Variants in SPIDR observed in about 807,000 individuals in gnomAD.
SPIDR encodes the protein scaffold protein involved in DNA repair.
In SPIDR, 93 loss-of-function variants were observed where a neutral mutation model predicts 104.6. The ratio of observed to expected loss-of-function variants is 0.89; its 90% CI spans 0.75 to 1.06. The LOEUF (loss-of-function observed/expected upper bound fraction) is 1.06. SPIDR is among the 50% of genes least tolerant of loss of function. The probability of loss-of-function intolerance (pLI) is 0.00; values close to 1 mark genes in which losing one functional copy is unlikely to be tolerated. For synonymous variants in SPIDR, 431 were observed against 416.9 expected (o/e 1.03, Z -0.41); for missense variants, 1,154 against 1,111.2 (o/e 1.04, Z -0.55).
intron 10 of SPIDR, among the ~76,000 whole-genome samples, chr8:47,642,324 G>A (rs1185439669): frequency 2.0e-5 from 3 of 151,984 alleles, no homozygotes; most frequent in Non-Finnish European, 4.4e-5. Flanking sequence ...GCTGAGGCAG[G>A]TGAATGGTGT....
intron 5 of SPIDR, among the ~76,000 whole-genome samples, chr8:47,376,475 A>G (rs983815752): frequency 6.6e-6 from 1 of 152,214 alleles, no homozygotes; most frequent in Admixed American, 6.5e-5. Flanking sequence ...AAGTTTGAAC[A>G]GAGCTGTGAG....
chr8:47,297,466 T>C (rs950792975), intron 5 of SPIDR, among the ~76,000 whole-genome samples: 10 of 152,170 alleles, frequency 6.6e-5, no homozygotes, highest in African/African-American at 2.4e-4. Context: ...TATTTTTTTT[T>C]ATTATTATAC....
At position 47,330,199 on chromosome 8, in the gene SPIDR, C is replaced by CT. The variant is rs35664092; in HGVS notation, c.525+36180dup. Among the ~76,000 whole-genome samples the CT allele has an allele frequency of 2.0e-3, 280 of 141,322 alleles. 1 individual carries two copies. Among genetic ancestry groups the CT allele is most frequent in the Middle Eastern group, 7.3e-3 (2 of 274 alleles). The allele number at this position is 141,322 out of a possible 152,430, so 92.7% of individuals were successfully genotyped here. On this transcript the variant is annotated intron_variant, in intron 5 of 19. Coordinates refer to ENST00000297423, the MANE Select transcript of SPIDR (RefSeq NM_001080394.4). ...TGGTGGTGGTGCTTTTCTTAAGGTG[C>CT]TTTTTTTTTTTAAAGCATCTTTAGT...
chr8:47,347,979 A>G (rs976677475), intron 5 of SPIDR, among the ~76,000 whole-genome samples: 1 of 152,118 alleles, frequency 6.6e-6, no homozygotes, highest in East Asian at 1.9e-4. Context: ...TGTGAATTTG[A>G]TCCCGTCATT....
chr8:47,518,581 C>G (rs1406819291), intron 8 of SPIDR, among the ~76,000 whole-genome samples: 1 of 152,010 alleles, frequency 6.6e-6, no homozygotes, highest in Non-Finnish European at 1.5e-5. Context: ...TAGTGACAGC[C>G]ACTCGCTAGA....
At chr8:47,486,822 G>A (rs1271397649) in intron 8 of SPIDR, among the ~76,000 whole-genome samples, 1 of 152,130 alleles carries the variant, frequency 6.6e-6, no homozygotes, top group Non-Finnish European at 1.5e-5. Flanking sequence ...TCACCACCAG[G>A]CCTGCCCTAA....
Position 47,519,481 on chromosome 8 carries a change from T to A in SPIDR, c.1098-76330T>A, listed in dbSNP as rs532932081. Reference sequence around the variant, plus strand: ...TTTTAAGCCCCATAACAAAGTTTTTTAAAAGATGGCTTTGGTCAAGCGCAG... The same window carrying A: ...TTTTAAGCCCCATAACAAAGTTTTTAAAAAGATGGCTTTGGTCAAGCGCAG... On this transcript the variant is annotated intron_variant, in intron 8 of 19. Coordinates refer to ENST00000297423, the MANE Select transcript of SPIDR (RefSeq NM_001080394.4). 3.3e-5 allele frequency among the ~76,000 whole-genome samples: 5 copies of A among 152,270 alleles called. No individual in the cohort carries two copies. In the South Asian group the frequency reaches 1.0e-3, roughly 32 times the overall value.
chr8:47,539,132 A>G (rs1357899518), intron 8 of SPIDR, among the ~76,000 whole-genome samples: 2 of 152,052 alleles, frequency 1.3e-5, no homozygotes, highest in Admixed American at 1.3e-4. Flanking sequence ...AAGTGCTGGG[A>G]TTACAGGCAT....
chr8:47,349,760 G>A (rs933408937), intron 5 of SPIDR, among the ~76,000 whole-genome samples: 13 of 152,254 alleles, frequency 8.5e-5, no homozygotes, highest in Admixed American at 1.3e-4. Flanking sequence ...GTCCGTGGGC[G>A]TGGGACCCAC....
At chr8:47,301,255 A>T (rs1204895434) in intron 5 of SPIDR, among the ~76,000 whole-genome samples, 2 of 152,130 alleles carry the variant, frequency 1.3e-5, no homozygotes, top group South Asian at 2.1e-4. Flanking sequence ...TTTATCAGAG[A>T]CTAGGATTGA....
chr8:47,320,837 C>T (rs975840578), intron 5 of SPIDR, among the ~76,000 whole-genome samples: 11 of 152,030 alleles, frequency 7.2e-5, no homozygotes, highest in East Asian at 1.9e-4. Flanking sequence ...ACAGAACCAA[C>T]GAGTAAAACC....
chr8:47,623,503 C>G (rs745475599), intron 10 of SPIDR, among the ~76,000 whole-genome samples: 22 of 152,128 alleles, frequency 1.4e-4, no homozygotes, highest in Non-Finnish European at 2.9e-4. Context: ...ATCTCACGTG[C>G]AGAGACACAT....
In SPIDR at chr8:47,334,494, C is replaced by T. The variant is rs980218719; in HGVS notation, c.525+40464C>T. Among the ~76,000 whole-genome samples the T allele has an allele frequency of 5.5e-4, 83 of 152,252 alleles. 1 individual carries two copies. Among genetic ancestry groups the T allele is most frequent in the African/African-American group, 1.9e-3 (77 of 41,554 alleles). The stretch of plus-strand genomic sequence containing the variant: ...TTGTGTCTTCTTGGACAATTGAATC[C>T]TTTATCATTGGGTAATGCCCCTCTT... On this transcript the variant is annotated intron_variant, in intron 5 of 19. Transcript: ENST00000297423.
At chr8:47,279,483 A>G (rs374191880) in intron 1 of SPIDR, 4,734 of 169,824 alleles carry the variant, frequency 0.028, 365 homozygotes, top group Admixed American at 0.15. Flanking sequence ...TCTCAGTTCT[A>G]TCAGACACTG....
intron 8 of SPIDR, among the ~76,000 whole-genome samples, chr8:47,579,322 A>G (rs902722441): frequency 6.6e-6 from 1 of 152,202 alleles, no homozygotes; most frequent in Non-Finnish European, 1.5e-5. Context: ...AAAAGAATTT[A>G]CTAAGTAACT....
chr8:47,574,512 C>A (rs1024506031), intron 8 of SPIDR, among the ~76,000 whole-genome samples: 3 of 152,104 alleles, frequency 2.0e-5, no homozygotes, highest in Non-Finnish European at 2.9e-5. Context: ...AATCTCAGCA[C>A]TTTTGGAGGC....
At chr8:47,709,794 T>C (rs1281767286) in intron 14 of SPIDR, among the ~76,000 whole-genome samples, 1 of 152,156 alleles carries the variant, frequency 6.6e-6, no homozygotes, top group Admixed American at 6.5e-5. Context: ...ATCCAGAGTA[T>C]TTACAAAAGC....
At chr8:47,310,667 G>T (rs2043979898) in intron 5 of SPIDR, among the ~76,000 whole-genome samples, 1 of 152,088 alleles carries the variant, frequency 6.6e-6, no homozygotes, top group African/African-American at 2.4e-5. Flanking sequence ...AAAACCACAA[G>T]ACAGAGTTAG....
At chr8:47,302,384 G>A (rs1380793886) in intron 5 of SPIDR, among the ~76,000 whole-genome samples, 5 of 151,990 alleles carry the variant, frequency 3.3e-5, no homozygotes, top group Non-Finnish European at 7.4e-5. Flanking sequence ...TTTGCCATGG[G>A]TTCGAAGTTC....
Sources: gnomAD v4.1 joint callset for allele counts (sites outside exome capture counted in the v4.1 genomes callset) on GRCh38, gnomAD v4.1.1 for gene constraint, MANE v1.5 for transcripts, NCBI Gene and HGNC (gene_info 2026-07-23, HGNC 2026-07-21) for gene names.